The following SPATA22 variants were observed in gnomAD, a reference collection of about 807,000 sequenced individuals.
The protein encoded by SPATA22 is spermatogenesis-associated protein 22.
Under a neutral mutation model 47.8 loss-of-function variants are expected in SPATA22, and 29 were observed. The observed-to-expected ratio is 0.61, with a 90% CI of 0.45 to 0.83. The LOEUF (loss-of-function observed/expected upper bound fraction) is 0.83, where lower values mean the gene tolerates loss of function less well. Ranked by LOEUF, SPATA22 falls within the 40% of genes least tolerant of loss-of-function variation. The probability of loss-of-function intolerance (pLI) is 0.00; values close to 1 mark genes in which losing one functional copy is unlikely to be tolerated. For missense variants in SPATA22, 410 were observed against 421.7 expected (o/e 0.97, Z 0.24); for synonymous variants, 133 against 140.9 (o/e 0.94, Z 0.40).
chr17:3,484,870 C>A (rs1329775677), intron 1 of SPATA22, among the ~76,000 whole-genome samples: 1 of 152,194 alleles, frequency 6.6e-6, no homozygotes, highest in African/African-American at 2.4e-5. Flanking sequence ...ACATGCCATA[C>A]TTGATACACT....
intron 7 of SPATA22, among the ~76,000 whole-genome samples, chr17:3,444,995 A>C (rs1597386334): frequency 6.6e-6 from 1 of 152,222 alleles, no homozygotes; most frequent in East Asian, 1.9e-4. Flanking sequence ...TATTCTTAAA[A>C]GGATTATTCT....
chr17:3,480,302 G>A (rs181030446), intron 1 of SPATA22, among the ~76,000 whole-genome samples: 2 of 152,230 alleles, frequency 1.3e-5, no homozygotes, highest in Admixed American at 1.3e-4. Context: ...CTGTACAGAA[G>A]GCCAGAGTTT....
intron 5 of SPATA22, among the ~76,000 whole-genome samples, chr17:3,458,036 C>T (rs2150715709): frequency 6.6e-6 from 1 of 152,126 alleles, no homozygotes. Flanking sequence ...AGTGAAAAGG[C>T]AATCTATAGC....
chr17:3,442,462 CAA>C (rs1158265749), intron 8 of SPATA22, among the ~76,000 whole-genome samples: 1 of 151,948 alleles, frequency 6.6e-6, no homozygotes, highest in Admixed American at 6.6e-5. Context: ...CAAACTTTTA[CAA>C]AGTTTATGTA....
chr17:3,444,008 CT>C (rs1414982501), intron 7 of SPATA22, among the ~76,000 whole-genome samples: 3 of 151,972 alleles, frequency 2.0e-5, no homozygotes, highest in Non-Finnish European at 4.4e-5. Context: ...AGTTTGTACC[CT>C]TTGACCTACA....
At chr17:3,445,147 G>A (rs1242987463) in intron 7 of SPATA22, among the ~76,000 whole-genome samples, 1 of 152,014 alleles carries the variant, frequency 6.6e-6, no homozygotes, top group Admixed American at 6.6e-5. Flanking sequence ...ACAGGAAAAA[G>A]CAATTTAGTG....
intron 2 of SPATA22, chr17:3,468,896 T>C (rs765627904): frequency 3.2e-6 from 3 of 944,052 alleles, no homozygotes; most frequent in Non-Finnish European, 3.8e-6. Context: ...TCTGTCTTTA[T>C]ACTAATAAAT....
intron 5 of SPATA22, among the ~76,000 whole-genome samples, chr17:3,460,737 G>C (rs1346772352): frequency 7.2e-6 from 1 of 138,834 alleles, no homozygotes; most frequent in Admixed American, 8.0e-5. Flanking sequence ...AGGTTGCAAT[G>C]AGCTATGATC....
chr17:3,483,701 C>CTCA, intron 1 of SPATA22: 2 of 1,114,816 alleles, frequency 1.8e-6, no homozygotes, highest in Non-Finnish European at 1.3e-6. Context: ...CTTGCTCTGT[C>CTCA]ACCCAGGCTG....
Position 3,484,502 on chromosome 17 carries a change from TTGTGTA to T in SPATA22, c.-73-15110_-73-15105del, listed in dbSNP as rs145725881. ...CAAAGAAGTGGGATCCATCTTGAGG[TTGTGTA>T]TGTGTATGTGTTTGGGGGAGGAAAG... On this transcript the variant is annotated intron_variant, in intron 1 of 8. Transcript: ENST00000541913. Among the ~76,000 whole-genome samples, 499 of 152,182 alleles carry T rather than the reference TTGTGTA, an allele frequency of 3.3e-3. 5 individuals are homozygous for T. The highest frequency in any genetic ancestry group is 0.017 in the Middle Eastern group (5 of 294).
At position 3,465,070 on chromosome 17, in the gene SPATA22, G is replaced by A. The variant is rs2073260345; in HGVS notation, c.173-2303C>T. Among the ~76,000 whole-genome samples, 2 of 95,800 alleles carry A rather than the reference G, an allele frequency of 2.1e-5. 1 individual carries two copies. The highest frequency in any genetic ancestry group is 4.8e-5 in the Non-Finnish European group (2 of 41,660). 62.8% of individuals were successfully genotyped at this position (95,800 alleles called of 152,430 possible). The stretch of plus-strand genomic sequence containing the variant: ...CCGCCCCGTCCGGGAGGGAGGTGGG[G>A]GGTCAGCCCCTCCACCCGGCAGCCA... On this transcript the variant is annotated intron_variant, in intron 3 of 8. Coordinates refer to ENST00000572969, the MANE Select transcript of SPATA22 (RefSeq NM_001170698.2).
At position 3,490,941 on chromosome 17, in the gene SPATA22, T is replaced by C. The variant is rs73977746; in HGVS notation, c.-73-21543A>G. On this transcript the variant is annotated intron_variant, in intron 1 of 8. Transcript: ENST00000541913. The surrounding 1 kb of genome is among the most constrained non-coding windows in gnomAD (Gnocchi z 4.6). ...AGCAAAGGATTCGGCAAATCAAAAA[T>C]TGTCAACCACGATTAATTTAGACTA... 0.031 allele frequency among the ~76,000 whole-genome samples: 4,776 copies of C among 152,230 alleles called. 258 individuals are homozygous for C. The highest frequency in any genetic ancestry group is 0.11 in the African/African-American group (4,430 of 41,526).
intron 5 of SPATA22, among the ~76,000 whole-genome samples, chr17:3,459,962 T>C (rs971634772): frequency 2.6e-5 from 4 of 152,208 alleles, no homozygotes; most frequent in East Asian, 1.9e-4. Context: ...TTTTATATTA[T>C]TAAACTTTTA....
chr17:3,485,027 G>GT lies in SPATA22; in HGVS notation c.-73-15630dup, dbSNP rs370054108. Among the ~76,000 whole-genome samples, 10 of 151,314 alleles carry GT rather than the reference G, an allele frequency of 6.6e-5. No individual in the cohort carries two copies. The highest frequency in any genetic ancestry group is 8.8e-5 in the Non-Finnish European group (6 of 67,840). ...ATCATTCACAGTAGGGTTTTGTTTT[G>GT]TTTTTTTTCTGGAAAAGGGTCTCAC... On this transcript the variant is annotated intron_variant, in intron 1 of 8. Coordinates refer to the SPATA22 transcript ENST00000541913. The surrounding 1 kb of genome is among the most constrained non-coding windows in gnomAD (Gnocchi z 4.4).
At chr17:3,452,736 C>G (rs1266232196) in intron 5 of SPATA22, among the ~76,000 whole-genome samples, 2 of 151,806 alleles carry the variant, frequency 1.3e-5, no homozygotes, top group Non-Finnish European at 2.9e-5. Flanking sequence ...TAAAAAAGAT[C>G]ATAAAGGACT....
At chr17:3,449,636 A>C (rs1386484229) in intron 5 of SPATA22, among the ~76,000 whole-genome samples, 1 of 152,192 alleles carries the variant, frequency 6.6e-6, no homozygotes, top group Non-Finnish European at 1.5e-5. Flanking sequence ...AGCAGGATAG[A>C]TAGCTATTAA....
intron 3 of SPATA22, among the ~76,000 whole-genome samples, chr17:3,465,086 C>T (rs1398368353): frequency 1.2e-4 from 13 of 111,320 alleles, no homozygotes; most frequent in African/African-American, 3.7e-4. Context: ...GCCCCTCCAC[C>T]CGGCAGCCAC....
intron 1 of SPATA22, among the ~76,000 whole-genome samples, chr17:3,496,794 C>A (rs62071300): frequency 6.6e-6 from 1 of 152,124 alleles, no homozygotes; most frequent in African/African-American, 2.4e-5. Context: ...TGGCCAGGAG[C>A]GGTGGCTCAC....
chr17:3,448,776 A>G (rs575594595), intron 6 of SPATA22, 31 bp downstream of exon 6: 7 of 1,486,724 alleles, frequency 4.7e-6, no homozygotes, highest in Non-Finnish European at 5.5e-6. Flanking sequence ...AAAAATGTAA[A>G]TAAGTCATTA....
Sources: gnomAD v4.1 joint callset for allele counts (sites outside exome capture counted in the v4.1 genomes callset) on GRCh38, gnomAD v4.1.1 for gene constraint, Gnocchi (gnomAD v3.1) non-coding constraint, MANE v1.5 for transcripts, NCBI Gene and HGNC (gene_info 2026-07-23, HGNC 2026-07-21) for gene names.